PSMG3: variants seen among roughly 807,000 people sequenced by gnomAD.
The protein encoded by PSMG3 is proteasome assembly chaperone 3.
PSMG3 carries 4 observed loss-of-function variants against 7.9 expected under a neutral mutation model. The observed-to-expected ratio is 0.51, with a 90% confidence interval of 0.25 to 1.16. The LOEUF (loss-of-function observed/expected upper bound fraction) is 1.16, where lower values mean the gene tolerates loss of function less well. Ranked by LOEUF, PSMG3 falls within the 50% of genes most tolerant of loss-of-function variation. PSMG3 has a pLI of 0.15. For synonymous variants in PSMG3, 81 were observed against 69.8 expected, an observed-to-expected ratio of 1.16 and a Z score of -0.80; for missense variants, 151 against 157.4, an observed-to-expected ratio of 0.96 and a Z score of 0.22.
intron 1 of PSMG3, 93 bp from the exon 2 acceptor site, chr7:1,567,943 G>A: frequency 1.6e-6 from 2 of 1,260,638 alleles, no homozygotes; most frequent in African/African-American, 1.5e-5. Flanking sequence ...AACCCAGGCA[G>A]GCTTCCCACA....
chr7:1,569,072 A>G (rs1232198385), intron 1 of PSMG3, 52 bp downstream of exon 1: 1 of 1,541,888 alleles, frequency 6.5e-7, no homozygotes. Flanking sequence ...TAGGCCTCTG[A>G]AAGTGCTAGG....
Position 1,567,408 on chromosome 7 carries a change from G to T in PSMG3, c.*290C>A. The T allele has an allele frequency of 3.0e-6, 1 of 332,678 alleles. No individual in the cohort carries two copies. The highest frequency in any genetic ancestry group is 5.0e-5 in the East Asian group (1 of 20,014). 20.6% of individuals were successfully genotyped at this position (332,678 alleles called of 1,614,324 possible). On this transcript the variant is annotated 3_prime_UTR_variant, in exon 2 of 2. Coordinates refer to ENST00000288607, the MANE Select transcript of PSMG3 (RefSeq NM_032302.4). ...GATCCTGCACACGGGGGGGCCATGAGCCACGCCTGCTGACTCATTCCTCCA... is the reference window on the plus strand; with the variant it reads ...GATCCTGCACACGGGGGGGCCATGATCCACGCCTGCTGACTCATTCCTCCA...
Position 1,569,651 on chromosome 7 carries a change from G to C in PSMG3, c.-312C>G, listed in dbSNP as rs1191431657. The C allele has an allele frequency of 3.9e-6, 1 of 253,586 alleles. No individual in the cohort carries two copies. The highest frequency in any genetic ancestry group is 7.6e-6 in the Non-Finnish European group (1 of 130,834). 15.7% of individuals were successfully genotyped at this position (253,586 alleles called of 1,614,324 possible). On this transcript the variant is annotated 5_prime_UTR_variant, in exon 1 of 2. Transcript: ENST00000288607. ...CCAGCAGGGCGCGCCTGTGGTCCCA[G>C]TTACTCAGGAGGCTGAGGCGGGAAG...
At chr7:1,567,951 A>G in intron 1 of PSMG3, 101 bp from the exon 2 acceptor site, 1 of 1,132,510 alleles carries the variant, frequency 8.8e-7, no homozygotes, top group Non-Finnish European at 1.3e-6. Context: ...CAGGCTTCCC[A>G]CACCACCATT....
At position 1,567,386 on chromosome 7, in the gene PSMG3, C is replaced by T. The variant is rs988184492; in HGVS notation, c.*312G>A. The stretch of plus-strand genomic sequence containing the variant: ...AAAGAAATTTCCTCCTACAATTGAT[C>T]CTGCACACGGGGGGGCCATGAGCCA... On this transcript the variant is annotated 3_prime_UTR_variant, in exon 2 of 2. Coordinates refer to ENST00000288607, the MANE Select transcript of PSMG3 (RefSeq NM_032302.4). 16 of 289,820 alleles carry T rather than the reference C, an allele frequency of 5.5e-5. No homozygotes were observed. The highest frequency in any genetic ancestry group is 3.2e-4 in the African/African-American group (15 of 46,204). 18.0% of individuals were successfully genotyped at this position (289,820 alleles called of 1,614,324 possible).
In PSMG3 at chr7:1,569,594, C is replaced by A. The variant is rs1256151299; in HGVS notation, c.-255G>T. 9.4e-6 allele frequency: 3 copies of A among 318,124 alleles called. No individual in the cohort carries two copies. Among genetic ancestry groups the A allele is most frequent in the Non-Finnish European group, 1.7e-5 (3 of 174,936 alleles). 19.7% of individuals were successfully genotyped at this position (318,124 alleles called of 1,614,324 possible). ...CCAGCCTGGCCAACATAGCGAGACC[C>A]CCATCTCTACCAAAAAAAAAAAAAA... is the stretch of plus-strand genomic sequence containing the variant. On this transcript the variant is annotated 5_prime_UTR_variant, in exon 1 of 2. Transcript: ENST00000288607.
In PSMG3 at chr7:1,567,651, G is replaced by C; in HGVS notation, c.*47C>G. 3 of 1,564,862 alleles carry C rather than the reference G, an allele frequency of 1.9e-6. No homozygotes were observed. The highest frequency in any genetic ancestry group is 2.6e-6 in the Non-Finnish European group (3 of 1,153,358). ...GACTTGAGTCCCTGAGTGGGTGTCT[G>C]GGTGTTCACGTGTCCTGCTGAGCAG... On this transcript the variant is annotated 3_prime_UTR_variant, in exon 2 of 2. Transcript: ENST00000288607.
chr7:1,568,191 G>A (rs1778809941), intron 1 of PSMG3, among the ~76,000 whole-genome samples: 1 of 152,088 alleles, frequency 6.6e-6, no homozygotes, highest in Non-Finnish European at 1.5e-5. Flanking sequence ...AGCACAGCCA[G>A]CCGCCTGCTC....
Position 1,567,784 on chromosome 7 carries a change from C to A in PSMG3, c.283G>T (p.Val95Phe), listed in dbSNP as rs374503027. The A allele has an allele frequency of 1.9e-6, 3 of 1,614,098 alleles. No individual in the cohort carries two copies. The highest frequency in any genetic ancestry group is 2.5e-6 in the Non-Finnish European group (3 of 1,180,048). The change falls in exon 2 of 2, where the codon GTC becomes TTC. Residue 95 changes from valine (V) to phenylalanine (F), a missense_variant. Val to Phe is a conservative substitution (Grantham distance 50). Coordinates refer to ENST00000288607, the MANE Select transcript of PSMG3 (RefSeq NM_032302.4). ...TCCTTCACGGCCACGGCGAGGAGGA[C>A]TGCTCTGTTTCCAGCTTCTTGAGAC... ...FVSQEAGNRA[V>F]LLAVAVKDKS...
chr7:1,567,532 T>C lies in PSMG3; in HGVS notation c.*166A>G, dbSNP rs1439082183. The C allele has an allele frequency of 2.9e-5, 18 of 616,110 alleles. No homozygotes were observed. In the Admixed American group the frequency reaches 5.7e-4, roughly 19 times the overall value. The allele number at this position is 616,110 out of a possible 1,614,324, so 38.2% of individuals were successfully genotyped here. A position where few individuals can be genotyped will look rare whatever the true frequency, so the allele number is the denominator to read the frequency against. On this transcript the variant is annotated 3_prime_UTR_variant, in exon 2 of 2. Coordinates refer to ENST00000288607, the MANE Select transcript of PSMG3 (RefSeq NM_032302.4). ...CCCCGTCATGCACAGATGATCTTAG[T>C]AACCAGAGTAAGAGTCTGCCTGAGA...
rs189425773 is a variant in PSMG3, at chr7:1,567,404, A to G, written c.*294T>C. On this transcript the variant is annotated 3_prime_UTR_variant, in exon 2 of 2. Coordinates refer to ENST00000288607, the MANE Select transcript of PSMG3 (RefSeq NM_032302.4). ...AATTGATCCTGCACACGGGGGGGCC[A>G]TGAGCCACGCCTGCTGACTCATTCC... 5.2e-5 allele frequency: 17 copies of G among 324,986 alleles called. No individual in the cohort carries two copies. In the East Asian group the frequency reaches 7.7e-4, roughly 15 times the overall value. The allele number at this position is 324,986 out of a possible 1,614,324, so 20.1% of individuals were successfully genotyped here.
Position 1,569,285 on chromosome 7 carries a change from C to G in PSMG3, c.55G>C (p.Val19Leu). Residue 19 changes from valine to leucine, a missense_variant, in exon 1 of 2, where the codon GTC (valine) becomes CTC (leucine). Transcript: ENST00000288607. ...SKQKTEVVCGVPTQVVCTAFS... is the reference protein window; with the variant it reads ...SKQKTEVVCGLPTQVVCTAFS... Reference sequence around the variant, plus strand: ...GCCGTACACACCACCTGGGTGGGGACCCCGCACACCACCTCCGTCTTCTGC... The same window carrying G: ...GCCGTACACACCACCTGGGTGGGGAGCCCGCACACCACCTCCGTCTTCTGC... 6.2e-7 allele frequency: 1 copy of G among 1,613,096 alleles called. No individual in the cohort carries two copies. The highest frequency in any genetic ancestry group is 8.5e-7 in the Non-Finnish European group (1 of 1,179,892).
chr7:1,569,398 G>GTCAA lies in PSMG3; in HGVS notation c.-63_-60dup. 2 of 1,416,764 alleles carry GTCAA rather than the reference G, an allele frequency of 1.4e-6. No homozygotes were observed. Among genetic ancestry groups the GTCAA allele is most frequent in the Non-Finnish European group, 1.9e-6 (2 of 1,043,906 alleles). The allele number at this position is 1,416,764 out of a possible 1,614,324, so 87.8% of individuals were successfully genotyped here. A position where few individuals can be genotyped will look rare whatever the true frequency, so the allele number is the denominator to read the frequency against. ...TTAAAAAGAAAGGGGAAAAAAAGGA[G>GTCAA]TCAATCAAACAGTACAGCCTTGGGG... On this transcript the variant is annotated 5_prime_UTR_variant, in exon 1 of 2. The change creates a premature stop within an existing upstream ORF in the 5' untranslated region. Coordinates refer to ENST00000288607, the MANE Select transcript of PSMG3 (RefSeq NM_032302.4).
Position 1,567,800 on chromosome 7 carries a change from T to C in PSMG3, c.267A>G (p.Glu89=). The C allele has an allele frequency of 6.2e-7, 1 of 1,614,188 alleles. No individual in the cohort carries two copies. Among genetic ancestry groups the C allele is most frequent in the Non-Finnish European group, 8.5e-7 (1 of 1,180,006 alleles). The change falls in exon 2 of 2, where the codon GAA becomes GAG. Residue 89 remains glutamate (E), a synonymous_variant. Transcript: ENST00000288607. ...CGAGGAGGACTGCTCTGTTTCCAGC[T>C]TCTTGAGACACAAACGCTACCAGGT... is the stretch of plus-strand genomic sequence containing the variant. The part of the protein sequence containing the change: ...AKNLVAFVSQ[E]AGNRAVLLAV...
chr7:1,569,064 G>C (rs1399686862), intron 1 of PSMG3, 60 bp downstream of exon 1: 1 of 1,470,740 alleles, frequency 6.8e-7, no homozygotes, highest in Non-Finnish European at 9.5e-7. Context: ...TGCCCGCCTA[G>C]GCCTCTGAAA....
chr7:1,569,461 G>C lies in PSMG3; in HGVS notation c.-122C>G. ...TAGCACGGGGCATTGAAACGGAAAC[G>C]CAAGGAGGCCCATTCAAAAGAAGGG... On this transcript the variant is annotated 5_prime_UTR_variant, in exon 1 of 2. Transcript: ENST00000288607. The C allele has an allele frequency of 1.0e-5, 8 of 802,680 alleles. No homozygotes were observed. The South Asian group carries it at 1.3e-4, about 13-fold the overall frequency. 49.7% of individuals were successfully genotyped at this position (802,680 alleles called of 1,614,324 possible).
rs1778796383 is a variant in PSMG3 at position 1,567,534 on chromosome 7, AC to A, written c.*163del. The A allele has an allele frequency of 8.0e-6, 5 of 623,066 alleles. No individual in the cohort carries two copies. In the South Asian group the frequency reaches 1.1e-4, roughly 14 times the overall value. The allele number at this position is 623,066 out of a possible 1,614,324, so 38.6% of individuals were successfully genotyped here. ...CCGTCATGCACAGATGATCTTAGTA[AC>A]CAGAGTAAGAGTCTGCCTGAGACAC... On this transcript the variant is annotated 3_prime_UTR_variant, in exon 2 of 2. Coordinates refer to ENST00000288607, the MANE Select transcript of PSMG3 (RefSeq NM_032302.4).
In PSMG3 at chr7:1,567,556, G is replaced by C. The variant is rs1778796917; in HGVS notation, c.*142C>G. The C allele has an allele frequency of 9.4e-6, 7 of 744,958 alleles. No homozygotes were observed. The East Asian group carries it at 1.8e-4, about 19-fold the overall frequency. The allele number at this position is 744,958 out of a possible 1,614,324, so 46.1% of individuals were successfully genotyped here. ...GTAACCAGAGTAAGAGTCTGCCTGA[G>C]ACACGAGTCTTTTTTCCTGGCTCCA... On this transcript the variant is annotated 3_prime_UTR_variant, in exon 2 of 2. Coordinates refer to ENST00000288607, the MANE Select transcript of PSMG3 (RefSeq NM_032302.4).
In PSMG3 at chr7:1,569,988, C is replaced by G. The variant is rs890467735; in HGVS notation, c.-649G>C. The G allele has an allele frequency of 6.6e-6, 1 of 151,882 alleles. No homozygotes were observed. Among genetic ancestry groups the G allele is most frequent in the Non-Finnish European group, 1.5e-5 (1 of 67,946 alleles). 9.4% of individuals were successfully genotyped at this position (151,882 alleles called of 1,614,324 possible). On this transcript the variant is annotated 5_prime_UTR_variant, in exon 1 of 2. Coordinates refer to ENST00000288607, the MANE Select transcript of PSMG3 (RefSeq NM_032302.4). The stretch of plus-strand genomic sequence containing the variant: ...CTGGGGACGCAGCCGCCCGGGGAAG[C>G]CCGCGGGTACCCGCGCTCACCAAGC...
Sources: allele counts gnomAD v4.1 joint callset (sites outside exome capture counted in the v4.1 genomes callset), GRCh38; gene constraint gnomAD v4.1.1; transcripts MANE v1.5; gene names NCBI Gene and HGNC (gene_info 2026-07-23, HGNC 2026-07-21).